Variants in IGSF21 observed in about 807,000 individuals in gnomAD.
IGSF21 encodes immunoglobulin superfamily member 21.
Under a neutral mutation model 46.8 loss-of-function variants are expected in IGSF21, and 28 were observed. That is an observed-to-expected ratio of 0.60 (90% CI 0.44 to 0.82). The LOEUF (loss-of-function observed/expected upper bound fraction) is 0.82. IGSF21 is among the 40% of genes least tolerant of loss of function. The pLI is 0.00. For missense variants in IGSF21, 624 were observed against 665.5 expected, an observed-to-expected ratio of 0.94 and a Z score of 0.69; for synonymous variants, 284 against 273.6, an observed-to-expected ratio of 1.04 and a Z score of -0.38.
intron 1 of IGSF21, among the ~76,000 whole-genome samples, chr1:18,222,890 T>C (rs1291705428): frequency 6.6e-6 from 1 of 152,190 alleles, no homozygotes; most frequent in African/African-American, 2.4e-5. Context: ...TCTCCTCTCC[T>C]GTGTGTGTCT....
chr1:18,135,894 C>A (rs182245139), intron 1 of IGSF21, among the ~76,000 whole-genome samples: 20 of 152,260 alleles, frequency 1.3e-4, no homozygotes, highest in African/African-American at 3.4e-4. Context: ...TAAAAGTGTT[C>A]CTATTTCTCC....
intron 4 of IGSF21, among the ~76,000 whole-genome samples, chr1:18,347,366 T>G (rs2085904600): frequency 6.6e-6 from 1 of 152,108 alleles, no homozygotes; most frequent in Non-Finnish European, 1.5e-5. Context: ...TGAGTGGCGC[T>G]GAGATTGGAG....
At chr1:18,194,330 A>G (rs1376031714) in intron 1 of IGSF21, among the ~76,000 whole-genome samples, 2 of 152,196 alleles carry the variant, frequency 1.3e-5, no homozygotes, top group Admixed American at 6.5e-5. Flanking sequence ...GACCCTTATT[A>G]TCTTAGCTTC....
chr1:18,323,838 T>A (rs904268538), intron 3 of IGSF21, among the ~76,000 whole-genome samples: 1 of 151,996 alleles, frequency 6.6e-6, no homozygotes, highest in Non-Finnish European at 1.5e-5. Flanking sequence ...GCGGTGAAAA[T>A]CATACTAATG....
chr1:18,202,604 G>A (rs2087087327), intron 1 of IGSF21, among the ~76,000 whole-genome samples: 1 of 152,054 alleles, frequency 6.6e-6, no homozygotes, highest in South Asian at 2.1e-4. Context: ...AGAGAGCCAA[G>A]GGGGAAGAGC....
chr1:18,345,178 T>A (rs562873500), intron 4 of IGSF21, among the ~76,000 whole-genome samples: 1 of 152,188 alleles, frequency 6.6e-6, no homozygotes, highest in Non-Finnish European at 1.5e-5. Context: ...GACATGCAGA[T>A]GCCCAGCCCC....
intron 2 of IGSF21, among the ~76,000 whole-genome samples, chr1:18,263,377 C>T (rs1054637689): frequency 6.6e-6 from 1 of 151,118 alleles, no homozygotes; most frequent in African/African-American, 2.4e-5. Flanking sequence ...GTCCTCCAGC[C>T]CCACCCCCAC....
chr1:18,301,287 A>G (rs978865979), intron 3 of IGSF21, among the ~76,000 whole-genome samples: 1 of 152,086 alleles, frequency 6.6e-6, no homozygotes, highest in Non-Finnish European at 1.5e-5. Context: ...GCCATGGAGC[A>G]TGGTGAGCAG....
intron 1 of IGSF21, among the ~76,000 whole-genome samples, chr1:18,148,129 C>CTTT (rs58426436): frequency 0.068 from 7,315 of 108,234 alleles, 722 homozygotes; most frequent in Middle Eastern, 0.1. Flanking sequence ...CAAGTATGTC[C>CTTT]TTTTTTTTTT....
At chr1:18,321,929 G>A (rs143909644) in intron 3 of IGSF21, among the ~76,000 whole-genome samples, 7 of 152,246 alleles carry the variant, frequency 4.6e-5, no homozygotes, top group African/African-American at 7.2e-5. Flanking sequence ...TGTGAGGGCC[G>A]GGTGACAATA....
At chr1:18,288,027 C>T (rs919835082) in intron 2 of IGSF21, among the ~76,000 whole-genome samples, 4 of 152,200 alleles carry the variant, frequency 2.6e-5, no homozygotes, top group Admixed American at 2.6e-4. Flanking sequence ...TGAGCACTTC[C>T]CACCCACCAG....
chr1:18,191,411 T>C (rs979121386), intron 1 of IGSF21, among the ~76,000 whole-genome samples: 3 of 151,978 alleles, frequency 2.0e-5, no homozygotes, highest in African/African-American at 4.8e-5. Context: ...GAGGAATGGC[T>C]TTAGAGGGAT....
intron 1 of IGSF21, among the ~76,000 whole-genome samples, chr1:18,139,242 G>A (rs1252085575): frequency 1.3e-5 from 2 of 152,194 alleles, no homozygotes; most frequent in Non-Finnish European, 2.9e-5. Flanking sequence ...CCTTCCCACT[G>A]GGAGTGCTGT....
intron 1 of IGSF21, among the ~76,000 whole-genome samples, chr1:18,124,528 T>C (rs1217441638): frequency 6.6e-6 from 1 of 152,184 alleles, no homozygotes; most frequent in Non-Finnish European, 1.5e-5. Flanking sequence ...CTTGACCTTC[T>C]GTGATTCTGA....
At position 18,334,992 on chromosome 1, in the gene IGSF21, A is replaced by G. The variant is rs1230938724; in HGVS notation, c.406A>G (p.Ile136Val). ...GAAGGTGGTCCTGGCATCAGGCAAC[A>G]TCTTCCTCAACGTCATGGGTGAGTG... ...REKVVLASGN[I>V]FLNVMAPPTS... The change falls in exon 4 of 10, where the codon ATC (isoleucine) becomes GTC (valine). Residue 136 changes from isoleucine (I) to valine (V), a missense_variant. By Grantham distance (29) the Ile-to-Val change is conservative (BLOSUM62 3). Transcript: ENST00000251296. The surrounding 1 kb of genome is among the most constrained non-coding windows in gnomAD (Gnocchi z 4.3). The G allele has an allele frequency of 6.2e-7, 1 of 1,613,922 alleles. No individual in the cohort carries two copies. Among genetic ancestry groups the G allele is most frequent in the African/African-American group, 1.3e-5 (1 of 75,070 alleles).
chr1:18,311,331 A>G (rs2085486505), intron 3 of IGSF21, among the ~76,000 whole-genome samples: 1 of 152,034 alleles, frequency 6.6e-6, no homozygotes, highest in South Asian at 2.1e-4. Context: ...CATCCATAAG[A>G]CTAATCACTG....
At chr1:18,206,891 T>C (rs1022123244) in intron 1 of IGSF21, among the ~76,000 whole-genome samples, 8 of 152,194 alleles carry the variant, frequency 5.3e-5, no homozygotes, top group Non-Finnish European at 1.2e-4. Flanking sequence ...GTGTAACAAA[T>C]TACTACACAC....
At chr1:18,331,819 G>A (rs903228186) in intron 3 of IGSF21, among the ~76,000 whole-genome samples, 1 of 152,198 alleles carries the variant, frequency 6.6e-6, no homozygotes, top group Non-Finnish European at 1.5e-5. Flanking sequence ...GGATCTATTA[G>A]GAGTAGAACA....
At chr1:18,182,596 G>A (rs942423528) in intron 1 of IGSF21, among the ~76,000 whole-genome samples, 14 of 152,194 alleles carry the variant, frequency 9.2e-5, no homozygotes, top group Non-Finnish European at 2.1e-4. Context: ...AGTGACCAGA[G>A]CTGTCATTAA....
Sources: allele counts gnomAD v4.1 joint callset (sites outside exome capture counted in the v4.1 genomes callset), GRCh38; gene constraint gnomAD v4.1.1; non-coding constraint Gnocchi (gnomAD v3.1); transcripts MANE v1.5; gene names NCBI Gene and HGNC (gene_info 2026-07-23, HGNC 2026-07-21).